Variants in DIAPH3 observed in about 807,000 individuals in gnomAD.
DIAPH3 encodes the protein protein diaphanous homolog 3.
In DIAPH3, 117 loss-of-function variants were observed where a neutral mutation model predicts 144.3. The observed-to-expected ratio is 0.81, with a 90% CI of 0.70 to 0.95. The LOEUF (loss-of-function observed/expected upper bound fraction) is 0.95. Among genes scored for constraint, DIAPH3 ranks in the 40% least tolerant of loss-of-function variants. The pLI is 0.00. For synonymous variants in DIAPH3, 519 were observed against 488.9 expected, an observed-to-expected ratio of 1.06 and a Z score of -0.81; for missense variants, 1,421 against 1,412.7, an observed-to-expected ratio of 1.01 and a Z score of -0.09.
chr13:59,910,737 T>TA (rs761070763), intron 20 of DIAPH3, among the ~76,000 whole-genome samples: 3,281 of 119,790 alleles, frequency 0.027, 75 homozygotes, highest in East Asian at 0.12. Flanking sequence ...CTCAAGTATT[T>TA]AAAAAAAAAA....
chr13:59,730,700 A>C (rs889759367), intron 27 of DIAPH3, among the ~76,000 whole-genome samples: 14 of 152,214 alleles, frequency 9.2e-5, no homozygotes, highest in South Asian at 2.1e-4. Flanking sequence ...TCTGCCTTGC[A>C]CTTAAAACAC....
chr13:59,881,919 T>G (rs555627788), intron 20 of DIAPH3, among the ~76,000 whole-genome samples: 32 of 152,286 alleles, frequency 2.1e-4, no homozygotes, highest in Admixed American at 1.9e-3. Context: ...AATTATTGAG[T>G]GGGAAAAGAA....
At chr13:59,921,133 T>TAA (rs58061987) in intron 18 of DIAPH3, among the ~76,000 whole-genome samples, 24 of 138,604 alleles carry the variant, frequency 1.7e-4, no homozygotes, top group African/African-American at 5.0e-4. Context: ...ATGTCTACAC[T>TAA]AAAAAAAAAA....
chr13:59,777,633 C>T (rs1039176320), intron 25 of DIAPH3, among the ~76,000 whole-genome samples: 40 of 152,258 alleles, frequency 2.6e-4, no homozygotes, highest in African/African-American at 8.9e-4. Flanking sequence ...TCAATTGCCT[C>T]CTGAAGTGAT....
At chr13:59,734,836 A>T (rs2036063141) in intron 27 of DIAPH3, among the ~76,000 whole-genome samples, 1 of 152,208 alleles carries the variant, frequency 6.6e-6, no homozygotes, top group Non-Finnish European at 1.5e-5. Flanking sequence ...TAATGCCAAA[A>T]GTTTATTTCT....
rs568517771 is a variant in DIAPH3 at position 59,714,252 on chromosome 13, T to C, written c.3320-47406A>G. On this transcript the variant is annotated intron_variant, in intron 27 of 27. Transcript: ENST00000400324. Reference sequence around the variant, plus strand: ...GCGGGCGCCTGTAGTCCCAGCTACTTGGGAGGCTGAGGCAGGAGAATGGCG... The same window carrying C: ...GCGGGCGCCTGTAGTCCCAGCTACTCGGGAGGCTGAGGCAGGAGAATGGCG... Among the ~76,000 whole-genome samples, 141 of 147,616 alleles carry C rather than the reference T, an allele frequency of 9.6e-4. 1 individual carries two copies. The highest frequency in any genetic ancestry group is 2.6e-3 in the East Asian group (13 of 4,974).
chr13:59,680,319 G>T (rs906221151), intron 27 of DIAPH3, among the ~76,000 whole-genome samples: 21 of 152,292 alleles, frequency 1.4e-4, no homozygotes, highest in African/African-American at 4.6e-4. Flanking sequence ...TTGAGAGCTT[G>T]TTATGAACTT....
intron 27 of DIAPH3, among the ~76,000 whole-genome samples, chr13:59,702,599 A>G (rs1420027980): frequency 6.6e-6 from 1 of 152,150 alleles, no homozygotes; most frequent in African/African-American, 2.4e-5. Flanking sequence ...CTTAGGAAGT[A>G]TTTTTATTTT....
chr13:59,967,232 A>ATT (rs934128194), intron 17 of DIAPH3, among the ~76,000 whole-genome samples: 3 of 143,646 alleles, frequency 2.1e-5, no homozygotes, highest in African/African-American at 7.7e-5. Flanking sequence ...ATGCCTGGCT[A>ATT]TTTTTTTTTT....
intron 4 of DIAPH3, among the ~76,000 whole-genome samples, chr13:60,089,739 G>A (rs1181244309): frequency 6.6e-6 from 1 of 152,142 alleles, no homozygotes; most frequent in Non-Finnish European, 1.5e-5. Flanking sequence ...AAACATCTGA[G>A]TTGAGTCATT....
chr13:60,073,915 G>A (rs1391919462), intron 4 of DIAPH3, among the ~76,000 whole-genome samples: 1 of 152,114 alleles, frequency 6.6e-6, no homozygotes, highest in Non-Finnish European at 1.5e-5. Flanking sequence ...ATGTTATCAG[G>A]CCATCTGCAC....
At chr13:60,036,854 G>T (rs569841607) in intron 5 of DIAPH3, among the ~76,000 whole-genome samples, 157 of 152,040 alleles carry the variant, frequency 1.0e-3, no homozygotes, top group African/African-American at 3.6e-3. Context: ...AAATAATAAA[G>T]TATAGAGCAA....
intron 27 of DIAPH3, among the ~76,000 whole-genome samples, chr13:59,686,109 T>A (rs1270339067): frequency 6.6e-6 from 1 of 152,122 alleles, no homozygotes; most frequent in Non-Finnish European, 1.5e-5. Flanking sequence ...AGCTATTTGA[T>A]TCTATAAGCA....
At chr13:59,791,875 T>C (rs1195253166) in intron 25 of DIAPH3, among the ~76,000 whole-genome samples, 1 of 152,138 alleles carries the variant, frequency 6.6e-6, no homozygotes, top group Non-Finnish European at 1.5e-5. Context: ...CTGAAAATAT[T>C]AGAATTACTT....
rs781234871 is a variant in DIAPH3 at position 60,010,510 on chromosome 13, G to A, written c.908+23C>T. ...CTGTATTAAATTATTATATAATTAG[G>A]GGAATATGTTGATAACACTTACATG... On this transcript the variant is annotated intron_variant, in intron 8 of 27. Coordinates refer to ENST00000400324, the MANE Select transcript of DIAPH3 (RefSeq NM_001042517.2). 21 of 1,547,570 alleles carry A rather than the reference G, an allele frequency of 1.4e-5. No individual in the cohort carries two copies. The African/African-American group carries it at 1.6e-4, about 12-fold the overall frequency.
At chr13:59,861,142 A>C in intron 22 of DIAPH3, 1 of 1,092,380 alleles carries the variant, frequency 9.2e-7, no homozygotes, top group Non-Finnish European at 1.3e-6. Context: ...AGTAGAAGGT[A>C]GGGCTAGCAG....
chr13:59,783,640 T>C (rs1035511804), intron 25 of DIAPH3, among the ~76,000 whole-genome samples: 5 of 152,164 alleles, frequency 3.3e-5, no homozygotes, highest in Non-Finnish European at 1.5e-5. Flanking sequence ...GCTCCCCAAC[T>C]AACAATCAGT....
chr13:59,851,067 C>G (rs1263624482), intron 22 of DIAPH3, among the ~76,000 whole-genome samples: 2 of 150,680 alleles, frequency 1.3e-5, no homozygotes, highest in Non-Finnish European at 3.0e-5. Context: ...GGCAGAGACA[C>G]AACCAAAAAA....
At chr13:59,891,423 C>T (rs1397720368) in intron 20 of DIAPH3, among the ~76,000 whole-genome samples, 1 of 149,808 alleles carries the variant, frequency 6.7e-6, no homozygotes, top group South Asian at 2.1e-4. Context: ...TGTTTCCATA[C>T]CAAAAAAACC....
Sources: gnomAD v4.1 joint callset for allele counts (sites outside exome capture counted in the v4.1 genomes callset) on GRCh38, gnomAD v4.1.1 for gene constraint, MANE v1.5 for transcripts, NCBI Gene and HGNC (gene_info 2026-07-23, HGNC 2026-07-21) for gene names.